Variants in ANXA4 observed in about 807,000 individuals in gnomAD.
ANXA4 encodes the protein annexin A4.
Under a neutral mutation model 49.8 loss-of-function variants are expected in ANXA4, and 39 were observed. The ratio of observed to expected loss-of-function variants is 0.78; its 90% CI spans 0.61 to 1.02. ANXA4 has a LOEUF of 1.02. Among genes scored for constraint, ANXA4 ranks in the 50% least tolerant of loss-of-function variants. The pLI, the probability that ANXA4 is intolerant of heterozygous loss-of-function variation, is 0.00. For synonymous variants in ANXA4, 134 were observed against 152.5 expected (o/e 0.88, Z 0.89); for missense variants, 360 against 410.1 (o/e 0.88, Z 1.05).
chr2:69,813,690 A>C lies in ANXA4; in HGVS notation c.534+981A>C, dbSNP rs1411404168. ...TACCTTGCTCAAGCTCAGAAAGATA[A>C]TAAAGGGCAGAGCTAGGATTTGAAC... On this transcript the variant is annotated intron_variant, in intron 8 of 12. Transcript: ENST00000394295. 6.6e-5 allele frequency among the ~76,000 whole-genome samples: 10 copies of C among 152,098 alleles called. 1 individual carries two copies. The highest frequency in any genetic ancestry group is 2.4e-4 in the African/African-American group (10 of 41,402).
chr2:69,717,736 G>A (rs1364543811), intron 2 of ANXA4, among the ~76,000 whole-genome samples: 3 of 152,166 alleles, frequency 2.0e-5, no homozygotes, highest in African/African-American at 4.8e-5. Flanking sequence ...TGCAGCAGAT[G>A]CCCTGAGCCT....
intron 9 of ANXA4, 156 bp downstream of exon 9, chr2:69,816,350 A>G (rs1673993672): frequency 1.8e-6 from 1 of 559,932 alleles, no homozygotes; most frequent in African/African-American, 1.9e-5. Flanking sequence ...TATTAGTCCA[A>G]TGATGTATAT....
chr2:69,745,175 G>T (rs1670560142), intron 1 of ANXA4, among the ~76,000 whole-genome samples: 1 of 152,154 alleles, frequency 6.6e-6, no homozygotes, highest in Non-Finnish European at 1.5e-5. Flanking sequence ...ATGCCAGAGG[G>T]GTTTGACATG....
In ANXA4 at chr2:69,809,081, T is replaced by G. The variant is rs114971684; in HGVS notation, c.397+1085T>G. The G allele has an allele frequency of 2.5e-3, 388 of 152,316 alleles. 1 individual carries two copies. Among genetic ancestry groups the G allele is most frequent in the African/African-American group, 9.0e-3 (373 of 41,560 alleles). 9.4% of individuals were successfully genotyped at this position (152,316 alleles called of 1,614,324 possible). ...ATTAACACAGTTAATAACACAGTAT[T>G]TTTTAAATAAATGAAAATAATTTGT... is the stretch of plus-strand genomic sequence containing the variant. On this transcript the variant is annotated intron_variant, in intron 6 of 12. Transcript: ENST00000394295.
At chr2:69,688,818 G>T (rs1473924759) in intron 2 of ANXA4, among the ~76,000 whole-genome samples, 1 of 152,106 alleles carries the variant, frequency 6.6e-6, no homozygotes, top group African/African-American at 2.4e-5. Flanking sequence ...TTTCTAATAT[G>T]ACAAGATCTC....
chr2:69,653,815 G>T (rs1358603464), intron 2 of ANXA4, among the ~76,000 whole-genome samples: 1 of 152,300 alleles, frequency 6.6e-6, no homozygotes, highest in Non-Finnish European at 1.5e-5. Context: ...TTCTAATTCT[G>T]TGAAGAAAGC....
At chr2:69,699,859 G>C (rs1678273118) in intron 2 of ANXA4, among the ~76,000 whole-genome samples, 1 of 152,182 alleles carries the variant, frequency 6.6e-6, no homozygotes, top group Non-Finnish European at 1.5e-5. Flanking sequence ...ATGCTGTGCA[G>C]GTACCAGATG....
chr2:69,659,970 G>C (rs1676648950), intron 2 of ANXA4, among the ~76,000 whole-genome samples: 1 of 152,120 alleles, frequency 6.6e-6, no homozygotes, highest in Non-Finnish European at 1.5e-5. Flanking sequence ...AGATAATCCT[G>C]TGTGAAGCTG....
At position 69,825,995 on chromosome 2, in the gene ANXA4, C is replaced by T. The variant is rs906271767; in HGVS notation, c.*480C>T. The stretch of plus-strand genomic sequence containing the variant: ...AGTTTTCTATATTTCATAGTCAAAG[C>T]CTTGAAAGCATCTACAAATCTCTTT... On this transcript the variant is annotated 3_prime_UTR_variant, in exon 13 of 13. Coordinates refer to ENST00000394295, the MANE Select transcript of ANXA4 (RefSeq NM_001153.5). 6.6e-6 allele frequency: 1 copy of T among 152,510 alleles called. No homozygotes were observed. The highest frequency in any genetic ancestry group is 6.5e-5 in the Admixed American group (1 of 15,302). 9.4% of individuals were successfully genotyped at this position (152,510 alleles called of 1,614,324 possible).
intron 2 of ANXA4, among the ~76,000 whole-genome samples, chr2:69,708,321 G>A (rs138433138): frequency 9.2e-5 from 14 of 152,234 alleles, no homozygotes; most frequent in Admixed American, 7.8e-4. Context: ...AGAGCCTTCC[G>A]CAACTCTCTA....
chr2:69,669,714 G>C (rs541155502), intron 2 of ANXA4, among the ~76,000 whole-genome samples: 1 of 152,156 alleles, frequency 6.6e-6, no homozygotes, highest in East Asian at 1.9e-4. Context: ...GGACTGTTCA[G>C]CCTTTATTTC....
chr2:69,803,693 A>G (rs1316507850), intron 3 of ANXA4, among the ~76,000 whole-genome samples: 1 of 152,238 alleles, frequency 6.6e-6, no homozygotes, highest in Non-Finnish European at 1.5e-5. Context: ...AGTAACAGCC[A>G]ACTTAAACTC....
intron 11 of ANXA4, 76 bp from the exon 12 acceptor site, chr2:69,820,623 T>C (rs1291242017): frequency 6.4e-7 from 1 of 1,553,646 alleles, no homozygotes; most frequent in East Asian, 2.3e-5. Context: ...TCTCTAGTCT[T>C]GCTTTGATAG....
chr2:69,770,919 T>C (rs2105556824), intron 1 of ANXA4, among the ~76,000 whole-genome samples: 1 of 146,200 alleles, frequency 6.8e-6, no homozygotes, highest in East Asian at 2.0e-4. Context: ...CGAGGCCTTG[T>C]CTAGAAAATT....
In ANXA4 at chr2:69,808,000, C is replaced by CGTGACAT. The variant is rs1191683503; in HGVS notation, c.397+5_397+11dup. ...ATAAGCCAAACCTACCAGCAGCGTA[C>CGTGACAT]GTGACATCCGCAGTGGCCCTGGCTG... On this transcript the variant is annotated splice_donor_region_variant and intron_variant, in intron 6 of 12. Coordinates refer to ENST00000394295, the MANE Select transcript of ANXA4 (RefSeq NM_001153.5). The CGTGACAT allele has an allele frequency of 2.5e-6, 4 of 1,613,668 alleles. No homozygotes were observed. The Admixed American group carries it at 6.7e-5, about 27-fold the overall frequency.
chr2:69,692,066 G>A (rs1677994450), intron 2 of ANXA4, among the ~76,000 whole-genome samples: 1 of 151,964 alleles, frequency 6.6e-6, no homozygotes, highest in African/African-American at 2.4e-5. Flanking sequence ...TTGTATTTTT[G>A]TAGAGACAGG....
intron 2 of ANXA4, among the ~76,000 whole-genome samples, chr2:69,684,554 G>T (rs1553431020): frequency 1.3e-5 from 2 of 151,794 alleles, no homozygotes; most frequent in Non-Finnish European, 2.9e-5. Flanking sequence ...ATGGTGGGGT[G>T]GTGTGCACCT....
At chr2:69,740,680 C>CTTTTTTTTTTTTTTTTTT (rs3077548), upstream of ANXA4, among the ~76,000 whole-genome samples, 3 of 75,780 alleles carry the variant, frequency 4.0e-5, no homozygotes, top group African/African-American at 1.1e-4. Flanking sequence ...CTTTCTTCCT[C>CTTTTTTTTTTTTTTTTTT]TTTTTTTTTT....
At chr2:69,737,158 A>G (rs1052818724), upstream of ANXA4, among the ~76,000 whole-genome samples, 1 of 152,190 alleles carries the variant, frequency 6.6e-6, no homozygotes, top group Non-Finnish European at 1.5e-5. Flanking sequence ...ATGTGTTGCT[A>G]CTGAGAAATC....
Sources: allele counts gnomAD v4.1 joint callset (sites outside exome capture counted in the v4.1 genomes callset), GRCh38; gene constraint gnomAD v4.1.1; transcripts MANE v1.5; gene names NCBI Gene and HGNC (gene_info 2026-07-23, HGNC 2026-07-21).